Variants in ZNF827 observed in about 807,000 individuals in gnomAD.
The protein encoded by ZNF827 is zinc finger protein 827.
In ZNF827, 13 loss-of-function variants were observed where a neutral mutation model predicts 102.4. That is an observed-to-expected ratio of 0.13 (90% CI 0.08 to 0.20). The LOEUF (loss-of-function observed/expected upper bound fraction) is 0.20. ZNF827 is among the 10% of genes least tolerant of loss of function. The probability of loss-of-function intolerance (pLI) is 1.00; values close to 1 mark genes in which losing one functional copy is unlikely to be tolerated. For synonymous variants in ZNF827, 523 were observed against 536.2 expected, an observed-to-expected ratio of 0.98 and a Z score of 0.34; for missense variants, 1,103 against 1,344.4, an observed-to-expected ratio of 0.82 and a Z score of 2.81.
chr4:145,877,760 C>T (rs912792548), intron 4 of ZNF827, among the ~76,000 whole-genome samples: 1 of 152,186 alleles, frequency 6.6e-6, no homozygotes, highest in South Asian at 2.1e-4. Context: ...AACTAAACTA[C>T]TAAAACCAAC....
chr4:145,835,218 C>T (rs1167815526), intron 7 of ZNF827: 1 of 152,250 alleles, frequency 6.6e-6, no homozygotes, highest in African/African-American at 2.4e-5. Flanking sequence ...CGGCTGAAGA[C>T]TGACACTGCC....
At chr4:145,868,281 C>T (rs781216298) in intron 5 of ZNF827, among the ~76,000 whole-genome samples, 5 of 152,168 alleles carry the variant, frequency 3.3e-5, no homozygotes, top group Non-Finnish European at 5.9e-5. Context: ...ACTAGACCAC[C>T]GCATCTAAGG....
At chr4:145,810,979 G>A (rs1256576944) in intron 8 of ZNF827, among the ~76,000 whole-genome samples, 2 of 149,514 alleles carry the variant, frequency 1.3e-5, no homozygotes, top group African/African-American at 4.9e-5. Context: ...CTGCAACCAA[G>A]AGAACTCATT....
intron 1 of ZNF827, among the ~76,000 whole-genome samples, chr4:145,935,425 A>G (rs754435991): frequency 6.6e-6 from 1 of 152,240 alleles, no homozygotes; most frequent in Non-Finnish European, 1.5e-5. Context: ...ACTGCAAAAT[A>G]CACCATTTGC....
chr4:145,836,404 G>A (rs1744844385), intron 7 of ZNF827, among the ~76,000 whole-genome samples: 1 of 152,128 alleles, frequency 6.6e-6, no homozygotes, highest in South Asian at 2.1e-4. Flanking sequence ...AGTGGCTGCT[G>A]CTGCTTTAAT....
At chr4:145,866,260 T>C (rs934364658) in intron 5 of ZNF827, among the ~76,000 whole-genome samples, 35 of 152,234 alleles carry the variant, frequency 2.3e-4, no homozygotes, top group Non-Finnish European at 4.9e-4. Flanking sequence ...TAATTACAGC[T>C]GCTAATAAAG....
chr4:145,764,893 G>T, intron 13 of ZNF827, 95 bp downstream of exon 13: 1 of 1,570,388 alleles, frequency 6.4e-7, no homozygotes, highest in Non-Finnish European at 8.7e-7. Flanking sequence ...CCTTCTCCAT[G>T]ACTCCCAAAA....
chr4:145,816,116 C>A (rs1342452560), intron 8 of ZNF827, among the ~76,000 whole-genome samples: 1 of 152,244 alleles, frequency 6.6e-6, no homozygotes, highest in Admixed American at 6.5e-5. Flanking sequence ...CTGATCCTCC[C>A]ACCCCAGCCT....
chr4:145,786,181 G>A lies in ZNF827; in HGVS notation c.2384-6670C>T, dbSNP rs143044165. On this transcript the variant is annotated intron_variant, in intron 8 of 14. Transcript: ENST00000508784. ...AACAGGGACAAAGAAAAAGACTTTA[G>A]TTTGTTTCCTTTCAATTTTAACATA... is the stretch of plus-strand genomic sequence containing the variant. Among the ~76,000 whole-genome samples, 12 of 152,270 alleles carry A rather than the reference G, an allele frequency of 7.9e-5. No homozygotes were observed. The East Asian group carries it at 2.3e-3, about 29-fold the overall frequency.
At chr4:145,788,404 T>C (rs559517101) in intron 8 of ZNF827, among the ~76,000 whole-genome samples, 5 of 152,324 alleles carry the variant, frequency 3.3e-5, no homozygotes, top group East Asian at 1.9e-4. Context: ...CAAATGTAGA[T>C]AGTCACTGCC....
chr4:145,917,728 A>AG (rs1752768122), intron 1 of ZNF827, among the ~76,000 whole-genome samples: 1 of 141,222 alleles, frequency 7.1e-6, no homozygotes, highest in African/African-American at 2.8e-5. Context: ...AAAAAAAAAG[A>AG]AAAGAAAAAA....
At chr4:145,924,885 T>C (rs1443811653) in intron 1 of ZNF827, among the ~76,000 whole-genome samples, 1 of 152,202 alleles carries the variant, frequency 6.6e-6, no homozygotes, top group Non-Finnish European at 1.5e-5. Context: ...TAAATGAACT[T>C]TTGGTTTATT....
rs113011499 is a variant in ZNF827, at chr4:145,777,469, T to C, written c.2522-1509A>G. 1.4e-3 allele frequency among the ~76,000 whole-genome samples: 212 copies of C among 152,352 alleles called. 1 individual carries two copies. The highest frequency in any genetic ancestry group is 4.8e-3 in the African/African-American group (200 of 41,582). On this transcript the variant is annotated intron_variant, in intron 9 of 14. Coordinates refer to ENST00000508784, the MANE Select transcript of ZNF827 (RefSeq NM_001306215.2). Reference sequence around the variant, plus strand: ...TCCTTCATAATTTTTCCAAAATTTCTCTTTGGGAACCGACTGATTCAAGTT... The same window carrying C: ...TCCTTCATAATTTTTCCAAAATTTCCCTTTGGGAACCGACTGATTCAAGTT...
chr4:145,799,305 C>T lies in ZNF827; in HGVS notation c.2384-19794G>A, dbSNP rs114669223. On this transcript the variant is annotated intron_variant, in intron 8 of 14. Transcript: ENST00000508784. ...ATAATATTTATAGCTCTTAGTGGAG[C>T]TCACTATGTGCTAGGGACTGTTCTG... Among the ~76,000 whole-genome samples the T allele has an allele frequency of 2.2e-3, 329 of 152,308 alleles. 2 individuals carry two copies. Among genetic ancestry groups the T allele is most frequent in the African/African-American group, 7.5e-3 (313 of 41,558 alleles).
chr4:145,827,909 C>T (rs1350458964), intron 7 of ZNF827, among the ~76,000 whole-genome samples: 1 of 152,136 alleles, frequency 6.6e-6, no homozygotes, highest in Non-Finnish European at 1.5e-5. Context: ...TTCTCCTGTG[C>T]CAGTGACCGT....
chr4:145,925,557 T>A (rs1753362587), intron 1 of ZNF827, among the ~76,000 whole-genome samples: 1 of 152,190 alleles, frequency 6.6e-6, no homozygotes, highest in South Asian at 2.1e-4. Context: ...GTGAGCCAGG[T>A]AAATGCTCAA....
chr4:145,834,599 C>G (rs898842677), intron 7 of ZNF827, among the ~76,000 whole-genome samples: 11 of 152,148 alleles, frequency 7.2e-5, no homozygotes, highest in African/African-American at 2.7e-4. Flanking sequence ...GAGCTAAAGG[C>G]ATAGTCAAGG....
chr4:145,849,478 A>G lies in ZNF827; in HGVS notation c.2065T>C (p.Ser689Pro). ...CTGTAGCCAACATTCCGGCTGGGTGATATCGAGACATGGGAGTCCTGGATG... is the reference window on the plus strand; with the variant it reads ...CTGTAGCCAACATTCCGGCTGGGTGGTATCGAGACATGGGAGTCCTGGATG... ...VDIQDSHVSI[S>P]PSRNVGYSTL... is the part of the protein sequence containing the mutation. The change falls in exon 6 of 15, where the codon TCA becomes CCA. Residue 689 changes from serine (S) to proline (P), a missense_variant. By Grantham distance (74) the Ser-to-Pro change is moderately conservative. This residue lies in a region of ZNF827 where 243 missense variants were observed against 251.6 expected (regional missense o/e 0.97). Coordinates refer to ENST00000508784, the MANE Select transcript of ZNF827 (RefSeq NM_001306215.2). 1 of 1,614,166 alleles carries G rather than the reference A, an allele frequency of 6.2e-7. No homozygotes were observed. Among genetic ancestry groups the G allele is most frequent in the South Asian group, 1.1e-5 (1 of 91,082 alleles).
chr4:145,826,895 T>C (rs1392759522), intron 7 of ZNF827, among the ~76,000 whole-genome samples: 1 of 152,064 alleles, frequency 6.6e-6, no homozygotes, highest in Non-Finnish European at 1.5e-5. Flanking sequence ...TACAGGCGTG[T>C]GCCACCACGC....
Sources: gnomAD v4.1 joint callset for allele counts (sites outside exome capture counted in the v4.1 genomes callset) on GRCh38, gnomAD v4.1.1 for gene constraint, gnomAD v4.1.1 regional missense constraint, MANE v1.5 for transcripts, NCBI Gene and HGNC (gene_info 2026-07-23, HGNC 2026-07-21) for gene names.